The following GFPT1 variants were observed in gnomAD, a reference collection of about 807,000 sequenced individuals.
GFPT1 encodes the protein glutamine--fructose-6-phosphate transaminase 1.
Under a neutral mutation model 92.0 loss-of-function variants are expected in GFPT1, and 40 were observed. The observed-to-expected ratio is 0.43, with a 90% CI of 0.34 to 0.57. The LOEUF (loss-of-function observed/expected upper bound fraction) is 0.57. Ranked by LOEUF, GFPT1 falls within the 20% of genes least tolerant of loss-of-function variation. GFPT1 has a pLI of 0.02. For missense variants in GFPT1, 448 were observed against 869.1 expected (o/e 0.52, Z 6.09); for synonymous variants, 269 against 280.6 (o/e 0.96, Z 0.41).
In GFPT1 at chr2:69,383,049, A is replaced by C. The variant is rs184751880; in HGVS notation, c.7+4016T>G. Among the ~76,000 whole-genome samples the C allele has an allele frequency of 4.8e-3, 726 of 152,362 alleles. 12 individuals are homozygous for C. Among genetic ancestry groups the C allele is most frequent in the Admixed American group, 0.012 (180 of 15,304 alleles). ...GCCAAGTATAAAGCCATCATTTCAA[A>C]TACCTGCAAGTATCTTCTAACACTT... On this transcript the variant is annotated intron_variant, in intron 1 of 19. Coordinates refer to ENST00000357308, the MANE Select transcript of GFPT1 (RefSeq NM_001244710.2).
chr2:69,362,459 A>C (rs1214758024), intron 4 of GFPT1, among the ~76,000 whole-genome samples: 2 of 152,134 alleles, frequency 1.3e-5, no homozygotes, highest in African/African-American at 2.4e-5. Flanking sequence ...AAATATTTTA[A>C]ATAATTATAA....
chr2:69,328,539 C>T, intron 17 of GFPT1, 101 bp from the exon 18 acceptor site: 1 of 811,856 alleles, frequency 1.2e-6, no homozygotes. Flanking sequence ...CACTGTCTAT[C>T]TATCCAAAAG....
At chr2:69,331,225 A>G (rs979063000) in intron 15 of GFPT1, among the ~76,000 whole-genome samples, 5 of 152,162 alleles carry the variant, frequency 3.3e-5, no homozygotes, top group Admixed American at 2.6e-4. Context: ...TTTAGCATAC[A>G]TATCTTGAAT....
At chr2:69,377,538 T>C (rs2104694916) in intron 1 of GFPT1, among the ~76,000 whole-genome samples, 1 of 150,156 alleles carries the variant, frequency 6.7e-6, no homozygotes, top group Admixed American at 6.6e-5. Context: ...CACGTGCCTG[T>C]AGTCTCAGCT....
At chr2:69,328,488 T>A in intron 17 of GFPT1, 50 bp from the exon 18 acceptor site, 2 of 1,359,186 alleles carry the variant, frequency 1.5e-6, no homozygotes, top group Non-Finnish European at 2.1e-6. Context: ...CAAAAATCCA[T>A]GTTTAAGTAA....
intron 16 of GFPT1, 124 bp downstream of exon 16, chr2:69,329,560 G>A (rs562025741): frequency 1.1e-5 from 10 of 945,200 alleles, no homozygotes; most frequent in East Asian, 2.5e-5. Context: ...TTAATACATC[G>A]GAGCAAACGT....
At chr2:69,359,421 T>TA (rs1671416883) in intron 4 of GFPT1, 95 bp from the exon 5 acceptor site, 1 of 714,692 alleles carries the variant, frequency 1.4e-6, no homozygotes, top group Non-Finnish European at 2.6e-6. Flanking sequence ...AAGTCAAAAA[T>TA]TTTTAACATG....
chr2:69,380,820 C>A (rs1455748909), intron 1 of GFPT1, among the ~76,000 whole-genome samples: 1 of 152,130 alleles, frequency 6.6e-6, no homozygotes, highest in Non-Finnish European at 1.5e-5. Context: ...TTCGGATGGG[C>A]CCTCCGAACT....
At chr2:69,342,808 G>A (rs1670983998) in intron 12 of GFPT1, among the ~76,000 whole-genome samples, 4 of 152,144 alleles carry the variant, frequency 2.6e-5, no homozygotes, top group Admixed American at 2.6e-4. Context: ...CATTATCTCA[G>A]TTACGTTTAT....
chr2:69,385,969 G>C (rs1221429704), intron 1 of GFPT1, among the ~76,000 whole-genome samples: 1 of 150,352 alleles, frequency 6.7e-6, no homozygotes, highest in Admixed American at 6.6e-5. Context: ...CGTGTAAAAG[G>C]CTGCAAATAA....
At chr2:69,361,447 C>CAAA (rs558027010) in intron 4 of GFPT1, among the ~76,000 whole-genome samples, 12 of 87,902 alleles carry the variant, frequency 1.4e-4, no homozygotes, top group African/African-American at 3.7e-4. Flanking sequence ...GATTCCTTCT[C>CAAA]AAAAAAAAAA....
At chr2:69,342,307 T>C in intron 12 of GFPT1, 58 bp from the exon 13 acceptor site, 1 of 1,031,534 alleles carries the variant, frequency 9.7e-7, no homozygotes. Flanking sequence ...AACTAGGCAA[T>C]CGCATTTTGT....
intron 3 of GFPT1, among the ~76,000 whole-genome samples, chr2:69,364,715 G>A (rs1044619246): frequency 2.6e-5 from 4 of 152,220 alleles, no homozygotes; most frequent in African/African-American, 9.6e-5. Context: ...TAGCTGATTT[G>A]TCCAGATGTG....
In GFPT1 at chr2:69,325,536, A is replaced by G. The variant is rs1283474190; in HGVS notation, c.*653T>C. The G allele has an allele frequency of 1.3e-5, 2 of 152,238 alleles. No homozygotes were observed. The highest frequency in any genetic ancestry group is 2.4e-5 in the African/African-American group (1 of 41,454). The allele number at this position is 152,238 out of a possible 1,614,324, so 9.4% of individuals were successfully genotyped here. ...AATTGTGCAAATATGTTAAGGATTG[A>G]GACCCACCAATGCACTACTGTAATA... On this transcript the variant is annotated 3_prime_UTR_variant, in exon 20 of 20. Coordinates refer to ENST00000357308, the MANE Select transcript of GFPT1 (RefSeq NM_001244710.2).
At chr2:69,382,946 C>A (rs1672044882) in intron 1 of GFPT1, among the ~76,000 whole-genome samples, 1 of 152,210 alleles carries the variant, frequency 6.6e-6, no homozygotes, top group Admixed American at 6.5e-5. Context: ...CATGTGCATT[C>A]ATTTTCTTTC....
Position 69,324,290 on chromosome 2 carries a change from T to C in GFPT1, c.*1899A>G, listed in dbSNP as rs1480760277. 6.6e-6 allele frequency: 1 copy of C among 152,190 alleles called. No homozygotes were observed. The highest frequency in any genetic ancestry group is 6.6e-5 in the Admixed American group (1 of 15,266). The allele number at this position is 152,190 out of a possible 1,614,324, so 9.4% of individuals were successfully genotyped here. A position where few individuals can be genotyped will look rare whatever the true frequency, so the allele number is the denominator to read the frequency against. ...GCAGACTAATGACTGACTTCACATA[T>C]TAGTTTTAACTTAGAATGCTGAATC... On this transcript the variant is annotated 3_prime_UTR_variant, in exon 20 of 20. Transcript: ENST00000357308.
At chr2:69,333,987 C>G (rs992291914) in intron 15 of GFPT1, among the ~76,000 whole-genome samples, 6 of 152,110 alleles carry the variant, frequency 3.9e-5, no homozygotes, top group Non-Finnish European at 8.8e-5. Flanking sequence ...GACACCCAGT[C>G]TCTACTAAAA....
chr2:69,379,015 G>A (rs931820280), intron 1 of GFPT1, among the ~76,000 whole-genome samples: 2 of 152,078 alleles, frequency 1.3e-5, no homozygotes, highest in Non-Finnish European at 2.9e-5. Context: ...TGGGAAGAGA[G>A]GCAGAGGTTA....
rs1003446962 is a variant in GFPT1 at position 69,359,212 on chromosome 2, T to C, written c.408+56A>G. 13 of 894,572 alleles carry C rather than the reference T, an allele frequency of 1.5e-5. No homozygotes were observed. In the African/African-American group the frequency reaches 1.5e-4, roughly 10 times the overall value. 55.4% of individuals were successfully genotyped at this position (894,572 alleles called of 1,614,324 possible). ...TGCACATCCCAACAACCGACCCCAG[T>C]GCTCTCGTTAGAAGTATTCTCAAAG... On this transcript the variant is annotated intron_variant, in intron 5 of 19. Transcript: ENST00000357308.
Sources: gnomAD v4.1 joint callset for allele counts (sites outside exome capture counted in the v4.1 genomes callset) on GRCh38, gnomAD v4.1.1 for gene constraint, MANE v1.5 for transcripts, NCBI Gene and HGNC (gene_info 2026-07-23, HGNC 2026-07-21) for gene names.